The following GRIN2D variants were observed in gnomAD, a reference collection of about 807,000 sequenced individuals.
The protein encoded by GRIN2D is glutamate receptor ionotropic, NMDA 2D.
Under a neutral mutation model 103.2 loss-of-function variants are expected in GRIN2D, and 37 were observed. The ratio of observed to expected loss-of-function variants is 0.36; its 90% confidence interval spans 0.28 to 0.47. GRIN2D has a LOEUF of 0.47. Ranked by LOEUF, GRIN2D falls within the 20% of genes least tolerant of loss-of-function variation. The probability of loss-of-function intolerance (pLI) is 1.00; values close to 1 mark genes in which losing one functional copy is unlikely to be tolerated. For missense variants in GRIN2D, 1,557 were observed against 1,910.6 expected, an observed-to-expected ratio of 0.81 and a Z score of 3.45; for synonymous variants, 845 against 885.6, an observed-to-expected ratio of 0.95 and a Z score of 0.81.
At chr19:48,413,678 A>AT (rs1000496847) in intron 4 of GRIN2D, among the ~76,000 whole-genome samples, 1 of 150,742 alleles carries the variant, frequency 6.6e-6, no homozygotes, top group African/African-American at 2.4e-5. Flanking sequence ...AAAAAAAAAA[A>AT]AAAAGACCAG....
intron 11 of GRIN2D, among the ~76,000 whole-genome samples, chr19:48,424,712 AC>A (rs1169886912): frequency 6.6e-6 from 1 of 152,128 alleles, no homozygotes; most frequent in African/African-American, 2.4e-5. Flanking sequence ...TTTTACACTC[AC>A]AGCACATCTA....
intron 11 of GRIN2D, among the ~76,000 whole-genome samples, chr19:48,435,084 A>G (rs1232128234): frequency 1.3e-5 from 2 of 152,122 alleles, no homozygotes; most frequent in African/African-American, 4.8e-5. Flanking sequence ...AGCCATAACA[A>G]AATACCATAG....
chr19:48,407,328 C>CCT (rs373347707), intron 4 of GRIN2D, among the ~76,000 whole-genome samples: 49 of 151,530 alleles, frequency 3.2e-4, no homozygotes, highest in South Asian at 1.7e-3. Context: ...CCATCTCCTT[C>CCT]CTCTCTCTCT....
Position 48,434,607 on chromosome 19 carries a change from A to AT in GRIN2D, c.2253-7151dup, listed in dbSNP as rs906620965. ...TTCTTTTTTAAAAATTTTTAATTGT[A>AT]TTTTTTTTTTTACAGATGGTCTCAC... is the stretch of plus-strand genomic sequence containing the variant. On this transcript the variant is annotated intron_variant, in intron 11 of 13. Transcript: ENST00000263269. 1.5e-3 allele frequency among the ~76,000 whole-genome samples: 216 copies of AT among 144,286 alleles called. 1 individual carries two copies. Among genetic ancestry groups the AT allele is most frequent in the African/African-American group, 4.0e-3 (159 of 39,598 alleles). The allele number at this position is 144,286 out of a possible 152,430, so 94.7% of individuals were successfully genotyped here. A position where few individuals can be genotyped will look rare whatever the true frequency, so the allele number is the denominator to read the frequency against.
At chr19:48,433,767 T>G (rs1187513294) in intron 11 of GRIN2D, among the ~76,000 whole-genome samples, 1 of 152,148 alleles carries the variant, frequency 6.6e-6, no homozygotes, top group Non-Finnish European at 1.5e-5. Context: ...AAAATATGGA[T>G]GCATTCACAC....
rs911809222 is a variant in GRIN2D at position 48,404,260 on chromosome 19, C to T, written c.466-474C>T. The stretch of plus-strand genomic sequence containing the variant: ...CATCTCAAAAAAAAAAAAAAAAAAT[C>T]CAAACAGGTGTTCCTGATTGGAGGT... On this transcript the variant is annotated intron_variant, in intron 3 of 13. Transcript: ENST00000263269. Among the ~76,000 whole-genome samples the T allele has an allele frequency of 1.4e-3, 205 of 144,180 alleles. 1 individual carries two copies. The highest frequency in any genetic ancestry group is 5.3e-3 in the African/African-American group (200 of 37,750). The allele number at this position is 144,180 out of a possible 152,430, so 94.6% of individuals were successfully genotyped here.
chr19:48,429,469 G>C (rs1031530214), intron 11 of GRIN2D, among the ~76,000 whole-genome samples: 13 of 152,020 alleles, frequency 8.6e-5, no homozygotes, highest in African/African-American at 3.1e-4. Context: ...GCGTGATCTT[G>C]GCTCACTGCA....
At chr19:48,427,389 T>TC (rs1441895662) in intron 11 of GRIN2D, among the ~76,000 whole-genome samples, 1 of 15,350 alleles carries the variant, frequency 6.5e-5, no homozygotes, top group Non-Finnish European at 1.4e-3. Flanking sequence ...TACACTCTCA[T>TC]CAGCAATGCA....
chr19:48,405,244 G>C lies in GRIN2D; in HGVS notation c.976G>C (p.Val326Leu). 1.3e-6 allele frequency: 2 copies of C among 1,597,288 alleles called. No individual in the cohort carries two copies. Residue 326 changes from valine (V) to leucine (L), a missense_variant, in exon 4 of 14, where the codon GTA becomes CTA. Around this residue, in one of 7 missense-constraint regions of GRIN2D, gnomAD observed 490 missense variants for 601.1 expected, o/e 0.82. Coordinates refer to ENST00000263269, the MANE Select transcript of GRIN2D (RefSeq NM_000836.4). The surrounding 1 kb of genome is among the most constrained non-coding windows in gnomAD (Gnocchi z 5.1). ...TCGGCGAGTGGCAGCTGGCGTGGCC[G>C]TAGTGGCCAGAGGTGCCCAGGCCCT... Reference protein sequence around the residue: ...LARRVAAGVAVVARGAQALLR... With the variant: ...LARRVAAGVALVARGAQALLR...
At chr19:48,428,327 G>A (rs1210521153) in intron 11 of GRIN2D, among the ~76,000 whole-genome samples, 3 of 148,324 alleles carry the variant, frequency 2.0e-5, no homozygotes, top group South Asian at 2.1e-4. Flanking sequence ...GTGAACCACC[G>A]AACCCAGTCA....
intron 3 of GRIN2D, 103 bp downstream of exon 3, chr19:48,398,960 G>A (rs1970677726): frequency 2.0e-6 from 2 of 1,023,526 alleles, no homozygotes; most frequent in African/African-American, 1.7e-5. Flanking sequence ...AGGGGGCGGG[G>A]ACTGTCCTGT....
At chr19:48,395,473 C>T (rs1017003319) in intron 2 of GRIN2D, among the ~76,000 whole-genome samples, 1 of 151,924 alleles carries the variant, frequency 6.6e-6, no homozygotes, top group Non-Finnish European at 1.5e-5. Context: ...CATCAGGATT[C>T]GGGTGGGGAG....
chr19:48,442,903 TC>T lies in GRIN2D; in HGVS notation c.2981del (p.Pro994ArgfsTer524). 4 of 1,093,290 alleles carry T rather than the reference TC, an allele frequency of 3.7e-6. No homozygotes were observed. Among genetic ancestry groups the T allele is most frequent in the East Asian group, 6.2e-5 (1 of 16,236 alleles). 67.7% of individuals were successfully genotyped at this position (1,093,290 alleles called of 1,614,324 possible). ...APRGAAGRPLSPPAAQPPQKP... is the reference protein window; with the variant it reads ...APRGAAGRPLXPPAAQPPQKP... ...GCGGGGCGCAGCCGGGCGCCCGCTG[TC>T]CCCGCCGGCCGCTCAGCCCCCGCAG... On this transcript the variant is annotated frameshift_variant, in exon 14 of 14. Transcript: ENST00000263269. LOFTEE classifies it high-confidence loss of function. The surrounding 1 kb of genome is among the most constrained non-coding windows in gnomAD (Gnocchi z 7.2).
rs1362717618 is a variant in GRIN2D, at chr19:48,442,726, C to T, written c.2800C>T (p.Pro934Ser). ...RPAPGPAPFV[P>S]RERASVDRWR... ...GGCTCCCGGGCCCGCACCTTTCGTG[C>T]CCCGCGAGCGCGCCTCAGTGGACCG... Residue 934 changes from proline (P) to serine (S), a missense_variant, in exon 14 of 14, where the codon CCC (proline) becomes TCC (serine). By Grantham distance (74) the Pro-to-Ser change is moderately conservative (BLOSUM62 -1). Transcript: ENST00000263269. This position sits in a 1 kb window ranked among gnomAD's most constrained non-coding sequence, Gnocchi z 7.2. 4.5e-6 allele frequency: 5 copies of T among 1,116,768 alleles called. No individual in the cohort carries two copies. Among genetic ancestry groups the T allele is most frequent in the South Asian group, 3.4e-5 (1 of 29,572 alleles). 69.2% of individuals were successfully genotyped at this position (1,116,768 alleles called of 1,614,324 possible).
At chr19:48,434,474 T>C (rs1193591552) in intron 11 of GRIN2D, among the ~76,000 whole-genome samples, 1 of 152,148 alleles carries the variant, frequency 6.6e-6, no homozygotes, top group Non-Finnish European at 1.5e-5. Flanking sequence ...AGGCTGGTCT[T>C]GAACTTCTGA....
At position 48,442,460 on chromosome 19, in the gene GRIN2D, G is replaced by GATGTGGGT; in HGVS notation, c.2673+79_2673+86dup. 1 of 1,542,018 alleles carries GATGTGGGT rather than the reference G, an allele frequency of 6.5e-7. No individual in the cohort carries two copies. Among genetic ancestry groups the GATGTGGGT allele is most frequent in the South Asian group, 1.2e-5 (1 of 86,378 alleles). ...AGGTAAAGCCGAGCAGAGACAAGGA[G>GATGTGGGT]ATGTGGGTCGAGATGTGGATAGTGG... is the stretch of plus-strand genomic sequence containing the variant. On this transcript the variant is annotated intron_variant, in intron 13 of 13. Transcript: ENST00000263269. This position sits in a 1 kb window ranked among gnomAD's most constrained non-coding sequence, Gnocchi z 7.2.
At position 48,404,772 on chromosome 19, in the gene GRIN2D, C is replaced by T. The variant is rs762242145; in HGVS notation, c.504C>T (p.Thr168=). The T allele has an allele frequency of 1.9e-6, 3 of 1,611,866 alleles. No homozygotes were observed. The highest frequency in any genetic ancestry group is 1.3e-5 in the African/African-American group (1 of 74,910). ...CCTTCCTGCAGCTGGGCTCTTCCAC[C>T]GAGCAACAGCTTCAGGTCATCTTTG... ...GSTFLQLGSS[T]EQQLQVIFEV... Residue 168 remains threonine, a synonymous_variant, in exon 4 of 14, where the codon ACC becomes ACT. Coordinates refer to ENST00000263269, the MANE Select transcript of GRIN2D (RefSeq NM_000836.4).
intron 11 of GRIN2D, among the ~76,000 whole-genome samples, chr19:48,424,332 A>T (rs1326057123): frequency 7.2e-6 from 1 of 139,350 alleles, no homozygotes; most frequent in Non-Finnish European, 1.5e-5. Context: ...GTGCAGTGGC[A>T]CAATCTCGGC....
Position 48,404,917 on chromosome 19 carries a change from C to T in GRIN2D, c.649C>T (p.His217Tyr). The T allele has an allele frequency of 6.2e-7, 1 of 1,613,906 alleles. No homozygotes were observed. Among genetic ancestry groups the T allele is most frequent in the South Asian group, 1.1e-5 (1 of 91,080 alleles). ...TGACGGTAGTCTGGTGGGCTGGGAG[C>T]ACCGCGGAGCGCTGACGCTGGACCC... ...LTDGSLVGWE[H>Y]RGALTLDPGA... Residue 217 changes from histidine to tyrosine, a missense_variant, in exon 4 of 14, where the codon CAC becomes TAC. His to Tyr is a moderately conservative substitution (Grantham distance 83). Around this residue, in one of 7 missense-constraint regions of GRIN2D, gnomAD observed 490 missense variants for 601.1 expected, o/e 0.82. Transcript: ENST00000263269.
Sources: gnomAD v4.1 joint callset for allele counts (sites outside exome capture counted in the v4.1 genomes callset) on GRCh38, gnomAD v4.1.1 for gene constraint, gnomAD v4.1.1 regional missense constraint, Gnocchi (gnomAD v3.1) non-coding constraint, MANE v1.5 for transcripts, NCBI Gene and HGNC (gene_info 2026-07-23, HGNC 2026-07-21) for gene names.